The following ITPR1 variants were observed in gnomAD, a reference collection of about 807,000 sequenced individuals.
ITPR1 encodes the protein inositol 1,4,5-trisphosphate receptor type 1, also known as inositol 1,4,5-trisphosphate-gated calcium channel ITPR1.
A neutral mutation model predicts 318.4 loss-of-function variants in ITPR1; 96 were observed. That is an observed-to-expected ratio of 0.30 (90% CI 0.26 to 0.36). The LOEUF (loss-of-function observed/expected upper bound fraction) is 0.36. ITPR1 is among the 10% of genes least tolerant of loss of function. ITPR1 has a pLI of 1.00. For synonymous variants in ITPR1, 1,312 were observed against 1,289.9 expected, an observed-to-expected ratio of 1.02 and a Z score of -0.37; for missense variants, 2,440 against 3,460.2, an observed-to-expected ratio of 0.71 and a Z score of 7.40.
At chr3:4,605,650 G>T (rs1289488206) in intron 4 of ITPR1, among the ~76,000 whole-genome samples, 2 of 152,240 alleles carry the variant, frequency 1.3e-5, no homozygotes, top group Admixed American at 6.5e-5. Context: ...CTGTGTAAAA[G>T]GTTAGCAAAA....
intron 4 of ITPR1, among the ~76,000 whole-genome samples, chr3:4,625,024 T>G (rs1224696955): frequency 1.3e-5 from 2 of 152,214 alleles, no homozygotes; most frequent in Non-Finnish European, 2.9e-5. Flanking sequence ...TCCTGCTTTA[T>G]CTTTTGTTTT....
At chr3:4,697,113 T>C in intron 33 of ITPR1, 34 bp from the exon 34 acceptor site, 1 of 1,605,134 alleles carries the variant, frequency 6.2e-7, no homozygotes, top group Non-Finnish European at 8.5e-7. Context: ...CACACCAAGA[T>C]GGTTTTTCAG....
At chr3:4,751,322 T>G (rs17041333) in intron 44 of ITPR1, 12,069 of 152,016 alleles carry the variant, frequency 0.079, 887 homozygotes, top group African/African-American at 0.18. Context: ...CATCAGATTC[T>G]CAGCAGGGAC....
intron 24 of ITPR1, among the ~76,000 whole-genome samples, chr3:4,678,096 T>C (rs528591060): frequency 6.6e-6 from 1 of 152,274 alleles, no homozygotes; most frequent in Non-Finnish European, 1.5e-5. Flanking sequence ...TCATAAATGT[T>C]TAAGATCTGG....
In ITPR1 at chr3:4,719,507, G is replaced by T. The variant is rs533369617; in HGVS notation, c.5136+2108G>T. Among the ~76,000 whole-genome samples the T allele has an allele frequency of 4.7e-4, 71 of 152,302 alleles. No homozygotes were observed. In the South Asian group the frequency reaches 5.6e-3, roughly 12 times the overall value. ...AGAAGCTTAATGAGAATTCGTGCTG[G>T]CCCGGGATTAAGGCAGGGCCTCACA... On this transcript the variant is annotated intron_variant, in intron 40 of 61. Coordinates refer to ENST00000649015, the MANE Select transcript of ITPR1 (RefSeq NM_001378452.1).
At chr3:4,636,967 A>G (rs1200702077) in intron 5 of ITPR1, among the ~76,000 whole-genome samples, 1 of 152,248 alleles carries the variant, frequency 6.6e-6, no homozygotes, top group African/African-American at 2.4e-5. Flanking sequence ...TATTCTAAGC[A>G]TAGGTAGAAA....
chr3:4,709,252 C>T (rs547558163), intron 37 of ITPR1, among the ~76,000 whole-genome samples: 1 of 152,280 alleles, frequency 6.6e-6, no homozygotes, highest in South Asian at 2.1e-4. Context: ...TACCGTCTTA[C>T]AGTCTTGTTG....
chr3:4,614,308 G>A (rs565277711), intron 4 of ITPR1, among the ~76,000 whole-genome samples: 21 of 152,184 alleles, frequency 1.4e-4, no homozygotes, highest in Non-Finnish European at 3.1e-4. Flanking sequence ...CATCCATGTT[G>A]TAACAGTAGC....
chr3:4,730,467 A>G (rs933255018), intron 42 of ITPR1, among the ~76,000 whole-genome samples: 3 of 151,100 alleles, frequency 2.0e-5, no homozygotes, highest in Admixed American at 6.6e-5. Flanking sequence ...ATGGGGGAAA[A>G]TGTACCATTT....
intron 34 of ITPR1, among the ~76,000 whole-genome samples, chr3:4,697,553 G>A (rs1004419095): frequency 2.1e-5 from 3 of 146,272 alleles, no homozygotes; most frequent in African/African-American, 7.6e-5. Context: ...CTGGGCTCAA[G>A]CAATTATCCT....
At position 4,539,288 on chromosome 3, in the gene ITPR1, T is replaced by C. The variant is rs186761153; in HGVS notation, c.163+18194T>C. On this transcript the variant is annotated intron_variant, in intron 4 of 61. Coordinates refer to ENST00000649015, the MANE Select transcript of ITPR1 (RefSeq NM_001378452.1). ...ACTTAGTTGTGTGTTGGTCAGATAA[T>C]ATCTTTGTTTTATCAGTCCTTTACA... Among the ~76,000 whole-genome samples the C allele has an allele frequency of 4.6e-5, 7 of 152,354 alleles. No individual in the cohort carries two copies. The East Asian group carries it at 1.3e-3, about 29-fold the overall frequency.
chr3:4,524,407 T>C (rs564337199), intron 4 of ITPR1, among the ~76,000 whole-genome samples: 1 of 151,406 alleles, frequency 6.6e-6, no homozygotes, highest in African/African-American at 2.4e-5. Flanking sequence ...TGAAGTCATT[T>C]TGATGTTTAG....
At chr3:4,552,917 A>AAT (rs1400687067) in intron 4 of ITPR1, among the ~76,000 whole-genome samples, 10 of 152,260 alleles carry the variant, frequency 6.6e-5, no homozygotes, top group East Asian at 1.9e-4. Context: ...TCAAAGACCA[A>AAT]ATATATATTT....
At chr3:4,824,794 TCAGA>T (rs139034632) in intron 60 of ITPR1, among the ~76,000 whole-genome samples, 1 of 152,226 alleles carries the variant, frequency 6.6e-6, no homozygotes, top group East Asian at 1.9e-4. Context: ...CAACCACTGC[TCAGA>T]CAACCACTTC....
In ITPR1 at chr3:4,795,192, C is replaced by T. The variant is rs749059897; in HGVS notation, c.6931+5C>T. ...CGTTTAAGGGAGTCCGAGGAGGTAC[C>T]CATATCTTTAACTTCAAAAATCCTA... On this transcript the variant is annotated splice_donor_5th_base_variant and intron_variant, in intron 53 of 61. Transcript: ENST00000649015. The T allele has an allele frequency of 4.3e-6, 7 of 1,611,272 alleles. No individual in the cohort carries two copies. Among genetic ancestry groups the T allele is most frequent in the Non-Finnish European group, 4.2e-6 (5 of 1,178,810 alleles).
At chr3:4,740,832 G>T (rs990660498) in intron 44 of ITPR1, among the ~76,000 whole-genome samples, 2 of 152,182 alleles carry the variant, frequency 1.3e-5, no homozygotes, top group Non-Finnish European at 2.9e-5. Flanking sequence ...GTGACACGTT[G>T]TCAGGTGATA....
chr3:4,830,042 C>T (rs556891270), intron 60 of ITPR1, among the ~76,000 whole-genome samples: 3 of 134,294 alleles, frequency 2.2e-5, no homozygotes, highest in East Asian at 4.7e-4. Context: ...GGCACCATCT[C>T]GGCTCACTGC....
At chr3:4,636,477 A>G (rs2093193369) in intron 5 of ITPR1, among the ~76,000 whole-genome samples, 1 of 152,146 alleles carries the variant, frequency 6.6e-6, no homozygotes, top group Non-Finnish European at 1.5e-5. Context: ...CACCCAGGCT[A>G]GAGTGCAGTG....
chr3:4,783,972 G>A, intron 51 of ITPR1, 52 bp downstream of exon 51: 1 of 1,213,754 alleles, frequency 8.2e-7, no homozygotes, highest in Non-Finnish European at 1.2e-6. Context: ...CCATTAGTGT[G>A]CAATGCCCTG....
Sources: allele counts gnomAD v4.1 joint callset (sites outside exome capture counted in the v4.1 genomes callset), GRCh38; gene constraint gnomAD v4.1.1; transcripts MANE v1.5; gene names NCBI Gene and HGNC (gene_info 2026-07-23, HGNC 2026-07-21).